Variants in NR1H4 observed in about 807,000 individuals in gnomAD.
NR1H4 encodes the protein nuclear receptor subfamily 1 group H member 4.
NR1H4 carries 23 observed loss-of-function variants against 58.5 expected under a neutral mutation model. That is an observed-to-expected ratio of 0.39 (90% CI 0.28 to 0.56). NR1H4 has a LOEUF of 0.56. Ranked by LOEUF, NR1H4 falls within the 20% of genes least tolerant of loss-of-function variation. The probability of loss-of-function intolerance (pLI) is 0.58; values close to 1 mark genes in which losing one functional copy is unlikely to be tolerated. For synonymous variants in NR1H4, 214 were observed against 198.0 expected, an observed-to-expected ratio of 1.08 and a Z score of -0.68; for missense variants, 487 against 576.9, an observed-to-expected ratio of 0.84 and a Z score of 1.60.
intron 3 of NR1H4, among the ~76,000 whole-genome samples, chr12:100,496,660 A>G (rs1285682399): frequency 1.3e-5 from 2 of 152,218 alleles, no homozygotes; most frequent in East Asian, 1.9e-4. Flanking sequence ...TGTCCACGTC[A>G]GGAAGTGGTG....
chr12:100,526,699 C>G lies in NR1H4; in HGVS notation c.446-5759C>G, dbSNP rs1366327848. 2.0e-5 allele frequency among the ~76,000 whole-genome samples: 3 copies of G among 152,150 alleles called. No homozygotes were observed. The South Asian group carries it at 6.2e-4, about 32-fold the overall frequency. On this transcript the variant is annotated intron_variant, in intron 4 of 10. Transcript: ENST00000392986. The stretch of plus-strand genomic sequence containing the variant: ...TTTTCAAGGCCATGGTTCTTAGTAT[C>G]TTCCTGTCCTTGTCTCAGAGCTACA...
intron 10 of NR1H4, among the ~76,000 whole-genome samples, chr12:100,562,449 G>A (rs1304037225): frequency 6.6e-6 from 1 of 152,112 alleles, no homozygotes; most frequent in Admixed American, 6.5e-5. Flanking sequence ...GGTGGCATTG[G>A]AGCAGGGATC....
intron 4 of NR1H4, among the ~76,000 whole-genome samples, chr12:100,520,429 C>A (rs1464563376): frequency 6.6e-6 from 1 of 152,092 alleles, no homozygotes; most frequent in Non-Finnish European, 1.5e-5. Context: ...ATGCTCAGAG[C>A]CACACTGCAG....
intron 4 of NR1H4, among the ~76,000 whole-genome samples, chr12:100,520,797 T>C (rs1008349016): frequency 1.5e-4 from 23 of 152,308 alleles, no homozygotes; most frequent in African/African-American, 5.5e-4. Context: ...TTAAATCATA[T>C]CCACCATGTT....
chr12:100,509,009 T>C (rs1021339119), intron 3 of NR1H4, among the ~76,000 whole-genome samples: 1 of 152,224 alleles, frequency 6.6e-6, no homozygotes, highest in Non-Finnish European at 1.5e-5. Context: ...TAGCACTGTA[T>C]TCTGTTCTGA....
intron 3 of NR1H4, among the ~76,000 whole-genome samples, chr12:100,496,033 A>G (rs1953708284): frequency 1.3e-5 from 2 of 152,180 alleles, no homozygotes; most frequent in South Asian, 2.1e-4. Flanking sequence ...TTAACTGTGT[A>G]TTGAAAACAG....
At chr12:100,495,130 T>C (rs948223140) in intron 3 of NR1H4, among the ~76,000 whole-genome samples, 2 of 152,188 alleles carry the variant, frequency 1.3e-5, no homozygotes, top group Admixed American at 1.3e-4. Context: ...CACTGTGCCT[T>C]CTGCTTTTAT....
At chr12:100,520,093 G>A (rs534436555) in intron 4 of NR1H4, among the ~76,000 whole-genome samples, 1 of 152,122 alleles carries the variant, frequency 6.6e-6, no homozygotes, top group Non-Finnish European at 1.5e-5. Flanking sequence ...ATGCCTGCAG[G>A]TCTTGTGAGA....
intron 1 of NR1H4, among the ~76,000 whole-genome samples, chr12:100,485,765 C>T (rs1189761976): frequency 1.3e-5 from 2 of 152,090 alleles, no homozygotes; most frequent in Non-Finnish European, 2.9e-5. Flanking sequence ...AACTCCTGAC[C>T]TCAGCTGATC....
At chr12:100,542,593 G>A (rs1239068526) in intron 9 of NR1H4, among the ~76,000 whole-genome samples, 1 of 152,112 alleles carries the variant, frequency 6.6e-6, no homozygotes, top group Non-Finnish European at 1.5e-5. Context: ...TGAATGAGAT[G>A]ACTTCTCAGG....
intron 1 of NR1H4, among the ~76,000 whole-genome samples, chr12:100,475,807 C>T (rs997120249): frequency 6.6e-6 from 1 of 152,144 alleles, no homozygotes; most frequent in Admixed American, 6.5e-5. Context: ...GCTATATCGG[C>T]TCACTGCAGC....
Position 100,493,378 on chromosome 12 carries a change from T to C in NR1H4, c.55T>C (p.Phe19Leu). ...TTCCCATTTACCTACCACAGATGAA[T>C]TTTCTTTTTCTGAAAATTTATTTGG... ...EHSHLPTTDE[F>L]SFSENLFGVL... Residue 19 changes from phenylalanine to leucine, a missense_variant, in exon 3 of 11, where the codon TTT becomes CTT. Coordinates refer to ENST00000392986, the MANE Select transcript of NR1H4 (RefSeq NM_001206979.2). The C allele has an allele frequency of 6.4e-7, 1 of 1,554,522 alleles. No homozygotes were observed. The highest frequency in any genetic ancestry group is 8.8e-7 in the Non-Finnish European group (1 of 1,132,026).
At chr12:100,507,486 CAG>C (rs1953995748) in intron 3 of NR1H4, among the ~76,000 whole-genome samples, 1 of 151,540 alleles carries the variant, frequency 6.6e-6, no homozygotes, top group Non-Finnish European at 1.5e-5. Context: ...TTTTTTGAGA[CAG>C]AGTCTTGCTC....
At chr12:100,489,001 A>G (rs1212849097) in intron 1 of NR1H4, among the ~76,000 whole-genome samples, 1 of 152,174 alleles carries the variant, frequency 6.6e-6, no homozygotes, top group African/African-American at 2.4e-5. Flanking sequence ...CTATAGAGCT[A>G]AAGTCAAGGG....
intron 3 of NR1H4, among the ~76,000 whole-genome samples, chr12:100,505,407 A>G (rs1953935897): frequency 6.6e-6 from 1 of 152,198 alleles, no homozygotes; most frequent in Non-Finnish European, 1.5e-5. Context: ...TCTAAGTATC[A>G]CTAGCCACAT....
chr12:100,511,248 C>G lies in NR1H4; in HGVS notation c.445+105C>G. The G allele has an allele frequency of 1.1e-5, 16 of 1,439,200 alleles. No individual in the cohort carries two copies. In the South Asian group the frequency reaches 1.3e-4, roughly 11 times the overall value. 89.2% of individuals were successfully genotyped at this position (1,439,200 alleles called of 1,614,324 possible). ...CTTTTCCCAGGCAACTTCCCATTTT[C>G]TCCTCCTGTGCGCCTACCTCCTCCT... On this transcript the variant is annotated intron_variant, in intron 4 of 10. Coordinates refer to ENST00000392986, the MANE Select transcript of NR1H4 (RefSeq NM_001206979.2).
rs546135766 is a variant in NR1H4 at position 100,536,288 on chromosome 12, T to C, written c.733-224T>C. ...GAAATACACAAGTGGAATATTTTGT[T>C]ATTCATATTTTATAGATAGGAAAAT... On this transcript the variant is annotated intron_variant, in intron 6 of 10. Coordinates refer to ENST00000392986, the MANE Select transcript of NR1H4 (RefSeq NM_001206979.2). 3.3e-5 allele frequency among the ~76,000 whole-genome samples: 5 copies of C among 152,320 alleles called. No individual in the cohort carries two copies. The East Asian group carries it at 9.6e-4, about 29-fold the overall frequency.
At chr12:100,553,160 A>C (rs946022786) in intron 9 of NR1H4, among the ~76,000 whole-genome samples, 1 of 151,956 alleles carries the variant, frequency 6.6e-6, no homozygotes, top group Non-Finnish European at 1.5e-5. Context: ...CACCACACCT[A>C]GCTAATTTGT....
chr12:100,541,860 G>A (rs561699759), intron 9 of NR1H4, among the ~76,000 whole-genome samples: 1 of 151,884 alleles, frequency 6.6e-6, no homozygotes, highest in African/African-American at 2.4e-5. Context: ...GCCTCCCAAA[G>A]TGCTAGGATT....
Sources: allele counts gnomAD v4.1 joint callset (sites outside exome capture counted in the v4.1 genomes callset), GRCh38; gene constraint gnomAD v4.1.1; transcripts MANE v1.5; gene names NCBI Gene and HGNC (gene_info 2026-07-23, HGNC 2026-07-21).